Variants in RSRC1 observed in about 807,000 individuals in gnomAD.
The protein encoded by RSRC1 is serine/Arginine-related protein 53.
Under a neutral mutation model 49.1 loss-of-function variants are expected in RSRC1, and 39 were observed. That is an observed-to-expected ratio of 0.79 (90% CI 0.61 to 1.04). The LOEUF (loss-of-function observed/expected upper bound fraction) is 1.04. Ranked by LOEUF, RSRC1 falls within the 50% of genes least tolerant of loss-of-function variation. RSRC1 has a pLI of 0.00. For missense variants in RSRC1, 388 were observed against 402.4 expected (o/e 0.96, Z 0.31); for synonymous variants, 143 against 130.8 (o/e 1.09, Z -0.63).
intron 4 of RSRC1, among the ~76,000 whole-genome samples, chr3:158,272,052 A>G (rs1725548068): frequency 6.6e-6 from 1 of 151,968 alleles, no homozygotes; most frequent in African/African-American, 2.4e-5. Flanking sequence ...TTTTTTTCCA[A>G]AGGATTAAGG....
intron 3 of RSRC1, among the ~76,000 whole-genome samples, chr3:158,125,201 A>T (rs1041783286): frequency 6.6e-6 from 1 of 151,636 alleles, no homozygotes; most frequent in African/African-American, 2.4e-5. Context: ...ATTTTTTTCT[A>T]AAGTCTTTCT....
At chr3:158,138,920 C>T (rs1716565877) in intron 3 of RSRC1, among the ~76,000 whole-genome samples, 1 of 151,906 alleles carries the variant, frequency 6.6e-6, no homozygotes, top group Admixed American at 6.6e-5. Context: ...GTAAATAATT[C>T]CTTAATTATT....
At chr3:158,451,083 T>C (rs1578495209) in intron 6 of RSRC1, among the ~76,000 whole-genome samples, 2 of 151,950 alleles carry the variant, frequency 1.3e-5, no homozygotes, top group African/African-American at 4.8e-5. Context: ...AATTATTTAC[T>C]GTGAGGTATG....
chr3:158,424,290 G>T (rs1459781241), intron 6 of RSRC1, among the ~76,000 whole-genome samples: 2 of 151,282 alleles, frequency 1.3e-5, no homozygotes, highest in Admixed American at 6.6e-5. Flanking sequence ...TAGCATGAAG[G>T]GTTGTTGAAT....
intron 3 of RSRC1, among the ~76,000 whole-genome samples, chr3:158,134,172 A>C (rs924800607): frequency 2.0e-5 from 3 of 152,212 alleles, no homozygotes; most frequent in Non-Finnish European, 2.9e-5. Flanking sequence ...ATACTTTACT[A>C]GGATGGTAGG....
intron 6 of RSRC1, among the ~76,000 whole-genome samples, chr3:158,388,695 C>T (rs1363115265): frequency 4.6e-5 from 7 of 151,560 alleles, no homozygotes; most frequent in African/African-American, 7.3e-5. Flanking sequence ...CTGCAAACTC[C>T]GCCTCCCGGG....
intron 6 of RSRC1, among the ~76,000 whole-genome samples, chr3:158,448,158 A>G (rs1736822865): frequency 6.6e-6 from 1 of 151,904 alleles, no homozygotes; most frequent in East Asian, 1.9e-4. Context: ...GTTGATGTAT[A>G]TGCTGTAAGT....
chr3:158,353,744 T>C (rs965499634), intron 5 of RSRC1, among the ~76,000 whole-genome samples: 1 of 152,186 alleles, frequency 6.6e-6, no homozygotes, highest in Non-Finnish European at 1.5e-5. Context: ...TATTCTAATA[T>C]ATCACATAAA....
chr3:158,437,125 A>G (rs927748629), intron 6 of RSRC1, among the ~76,000 whole-genome samples: 1 of 152,052 alleles, frequency 6.6e-6, no homozygotes, highest in Admixed American at 6.6e-5. Flanking sequence ...CACAAAAAAA[A>G]AAACCTTTGG....
chr3:158,278,983 A>G (rs1378144792), intron 4 of RSRC1, among the ~76,000 whole-genome samples: 3 of 152,198 alleles, frequency 2.0e-5, no homozygotes, highest in Non-Finnish European at 4.4e-5. Flanking sequence ...CTGTAATGCC[A>G]TTGTATAATA....
intron 5 of RSRC1, among the ~76,000 whole-genome samples, chr3:158,304,530 G>T (rs1444477802): frequency 6.6e-6 from 1 of 151,998 alleles, no homozygotes; most frequent in Non-Finnish European, 1.5e-5. Context: ...TTTTCTTACT[G>T]TGTTCTGAAA....
At chr3:158,313,585 A>G (rs906266585) in intron 5 of RSRC1, among the ~76,000 whole-genome samples, 1 of 152,212 alleles carries the variant, frequency 6.6e-6, no homozygotes, top group Non-Finnish European at 1.5e-5. Context: ...AGCATAGAGC[A>G]TTAATGAAAC....
intron 6 of RSRC1, among the ~76,000 whole-genome samples, chr3:158,402,773 T>C (rs565314081): frequency 6.6e-6 from 1 of 152,030 alleles, no homozygotes; most frequent in African/African-American, 2.4e-5. Flanking sequence ...CTATCAAAGG[T>C]ACATGCTGTC....
intron 4 of RSRC1, among the ~76,000 whole-genome samples, chr3:158,254,835 T>C (rs1724440147): frequency 6.6e-6 from 1 of 152,236 alleles, no homozygotes; most frequent in Non-Finnish European, 1.5e-5. Flanking sequence ...TGAGCATTTT[T>C]TCATGTGTCT....
At chr3:158,354,787 A>T in intron 5 of RSRC1, 70 bp from the exon 6 acceptor site, 1 of 1,143,218 alleles carries the variant, frequency 8.7e-7, no homozygotes, top group Non-Finnish European at 1.2e-6. Flanking sequence ...GCATTAATTT[A>T]AAACTCCATC....
chr3:158,165,399 A>G (rs1578152850), intron 3 of RSRC1, among the ~76,000 whole-genome samples: 1 of 152,226 alleles, frequency 6.6e-6, no homozygotes, highest in East Asian at 1.9e-4. Flanking sequence ...TGCACTTAAA[A>G]AGACTTACCA....
intron 7 of RSRC1, chr3:158,469,320 G>C: frequency 2.3e-6 from 1 of 433,046 alleles, no homozygotes; most frequent in East Asian, 7.4e-5. Context: ...TCATCCTAAA[G>C]TCTACTACAT....
At chr3:158,469,225 G>A (rs1482350454) in intron 7 of RSRC1, 1 of 309,798 alleles carries the variant, frequency 3.2e-6, no homozygotes, top group East Asian at 9.0e-5. Flanking sequence ...ACATCTAGTT[G>A]ATCTAAAAAC....
At chr3:158,326,705 C>G (rs948136965) in intron 5 of RSRC1, among the ~76,000 whole-genome samples, 1 of 152,038 alleles carries the variant, frequency 6.6e-6, no homozygotes. Flanking sequence ...TTTGTTGTGT[C>G]TCTGCCAGGC....
Sources: gnomAD v4.1 joint callset for allele counts (sites outside exome capture counted in the v4.1 genomes callset) on GRCh38, gnomAD v4.1.1 for gene constraint, MANE v1.5 for transcripts, NCBI Gene and HGNC (gene_info 2026-07-23, HGNC 2026-07-21) for gene names.